Variants in MYO18A observed in about 807,000 individuals in gnomAD.
MYO18A encodes unconventional myosin-XVIIIa.
MYO18A carries 78 observed loss-of-function variants against 235.8 expected under a neutral mutation model. The ratio of observed to expected loss-of-function variants is 0.33; its 90% CI spans 0.28 to 0.40. MYO18A has a LOEUF of 0.40. Among genes scored for constraint, MYO18A ranks in the 10% least tolerant of loss-of-function variants. The pLI, the probability that MYO18A is intolerant of heterozygous loss-of-function variation, is 1.00. For synonymous variants in MYO18A, 977 were observed against 1,077.8 expected (o/e 0.91, Z 1.83); for missense variants, 2,215 against 2,699.3 (o/e 0.82, Z 3.98).
chr17:29,120,535 C>G lies in MYO18A; in HGVS notation c.1728+81G>C. On this transcript the variant is annotated intron_variant, in intron 7 of 41. Coordinates refer to ENST00000527372, the MANE Select transcript of MYO18A (RefSeq NM_078471.4). This position sits in a 1 kb window ranked among gnomAD's most constrained non-coding sequence, Gnocchi z 4.2. ...AGGGTAGAATCCCAGGAAAATGAGG[C>G]ATGGGAGAGAGCCTGATGTCTAGGT... The G allele has an allele frequency of 1.3e-6, 2 of 1,510,954 alleles. No homozygotes were observed. Among genetic ancestry groups the G allele is most frequent in the Admixed American group, 4.1e-5 (2 of 48,630 alleles). The allele number at this position is 1,510,954 out of a possible 1,614,324, so 93.6% of individuals were successfully genotyped here. A position where few individuals can be genotyped will look rare whatever the true frequency, so the allele number is the denominator to read the frequency against.
In MYO18A at chr17:29,162,533, A is replaced by C. The variant is rs1302492923; in HGVS notation, c.999+3409T>G. Among the ~76,000 whole-genome samples the C allele has an allele frequency of 2.6e-5, 4 of 152,142 alleles. No homozygotes were observed. In the East Asian group the frequency reaches 7.7e-4, roughly 29 times the overall value. On this transcript the variant is annotated intron_variant, in intron 2 of 41. Coordinates refer to ENST00000527372, the MANE Select transcript of MYO18A (RefSeq NM_078471.4). Reference sequence around the variant, plus strand: ...TGTCAGCTTTCGCTGACCCATCCACAAGACTGGACTTGAAGCCCCTCTGCT... The same window carrying C: ...TGTCAGCTTTCGCTGACCCATCCACCAGACTGGACTTGAAGCCCCTCTGCT...
chr17:29,080,736 G>A (rs2066100111), intron 41 of MYO18A: 2 of 985,592 alleles, frequency 2.0e-6, no homozygotes, highest in Non-Finnish European at 2.4e-6. Context: ...CCCGGCCAGC[G>A]CGCCCCCCGG....
In MYO18A at chr17:29,121,181, C is replaced by T; in HGVS notation, c.1402G>A (p.Glu468Lys). ...GCATAGATGTGGGGTGCCATGTCCT[C>T]CCGCCGACAACCCTTGAACATGTGC... Reference protein sequence around the residue: ...VMHMFKGCRREDMAPHIYAVA... With the variant: ...VMHMFKGCRRKDMAPHIYAVA... Residue 468 changes from glutamate to lysine, a missense_variant, in exon 6 of 42, where the codon GAG (glutamate) becomes AAG (lysine). Transcript: ENST00000527372. The surrounding 1 kb of genome is among the most constrained non-coding windows in gnomAD (Gnocchi z 4.2). 1 of 1,609,626 alleles carries T rather than the reference C, an allele frequency of 6.2e-7. No homozygotes were observed. The highest frequency in any genetic ancestry group is 8.5e-7 in the Non-Finnish European group (1 of 1,178,130).
intron 1 of MYO18A, among the ~76,000 whole-genome samples, chr17:29,177,469 G>A (rs1009355194): frequency 5.9e-5 from 9 of 152,074 alleles, no homozygotes; most frequent in African/African-American, 2.2e-4. Flanking sequence ...GTGGGAAGTG[G>A]AGGCTCACCA....
chr17:29,090,201 A>G (rs1190680565), intron 36 of MYO18A, 103 bp from the exon 37 acceptor site: 10 of 1,326,778 alleles, frequency 7.5e-6, no homozygotes, highest in Non-Finnish European at 1.0e-5. Context: ...AGGCAAGGGG[A>G]GGGAGGGATG....
intron 40 of MYO18A, among the ~76,000 whole-genome samples, chr17:29,084,573 A>G (rs1460443024): frequency 6.6e-6 from 1 of 152,210 alleles, no homozygotes; most frequent in Non-Finnish European, 1.5e-5. Context: ...ATGTGCTATT[A>G]GTTAACGGGG....
At chr17:29,110,210 A>G in intron 18 of MYO18A, 109 bp from the exon 19 acceptor site, 1 of 1,450,906 alleles carries the variant, frequency 6.9e-7, no homozygotes, top group Non-Finnish European at 9.2e-7. Flanking sequence ...CGGCCCCAGC[A>G]CCAGCCAGGA....
At chr17:29,148,430 G>A (rs2067893318) in intron 2 of MYO18A, among the ~76,000 whole-genome samples, 1 of 152,240 alleles carries the variant, frequency 6.6e-6, no homozygotes, top group Admixed American at 6.5e-5. Context: ...GGAGGGCCCA[G>A]CCACTAGGGT....
chr17:29,072,122 G>A lies in MYO18A; in HGVS notation c.*2648C>T, dbSNP rs1317360346. The A allele has an allele frequency of 2.0e-5, 3 of 149,686 alleles. No individual in the cohort carries two copies. The highest frequency in any genetic ancestry group is 4.4e-5 in the Non-Finnish European group (3 of 67,494). The allele number at this position is 149,686 out of a possible 1,614,324, so 9.3% of individuals were successfully genotyped here. A position where few individuals can be genotyped will look rare whatever the true frequency, so the allele number is the denominator to read the frequency against. On this transcript the variant is annotated 3_prime_UTR_variant, in exon 42 of 42. Transcript: ENST00000527372. ...AGGGAGTTTGTCACACTAGTCCCTA[G>A]TAGAAACAGAAAATGTACCACGCTA...
At chr17:29,167,687 T>G (rs1598398446) in intron 1 of MYO18A, among the ~76,000 whole-genome samples, 1 of 147,220 alleles carries the variant, frequency 6.8e-6, no homozygotes, top group East Asian at 2.0e-4. Context: ...GGCAACAGAG[T>G]GAGACCCTGT....
rs769295033 is a variant in MYO18A at position 29,113,993 on chromosome 17, C to A, written c.2598+18G>T. 2 of 1,573,640 alleles carry A rather than the reference C, an allele frequency of 1.3e-6. No individual in the cohort carries two copies. Among genetic ancestry groups the A allele is most frequent in the South Asian group, 1.2e-5 (1 of 85,710 alleles). On this transcript the variant is annotated intron_variant, in intron 15 of 41. Coordinates refer to ENST00000527372, the MANE Select transcript of MYO18A (RefSeq NM_078471.4). ...AACGAGAGGAAAGGCTTGCCCAAACCCTCTCTGGAGCTCCTACCAGGGACT... is the reference window on the plus strand; with the variant it reads ...AACGAGAGGAAAGGCTTGCCCAAACACTCTCTGGAGCTCCTACCAGGGACT...
Position 29,166,514 on chromosome 17 carries a change from G to C in MYO18A, c.427C>G (p.Gln143Glu). 2 of 1,613,680 alleles carry C rather than the reference G, an allele frequency of 1.2e-6. No individual in the cohort carries two copies. Among genetic ancestry groups the C allele is most frequent in the Non-Finnish European group, 1.7e-6 (2 of 1,179,860 alleles). Residue 143 changes from glutamine (Q) to glutamate (E), a missense_variant, in exon 2 of 42, where the codon CAG becomes GAG. Gln to Glu is a conservative substitution (Grantham distance 29). Transcript: ENST00000527372. ...GAGGCGCTCTCATCCCGGCTACGCT[G>C]GGAGAAGGAAAAGCGCTTGACAATC... The part of the protein sequence containing the change: ...QMIVKRFSFS[Q>E]RSRDESASET...
chr17:29,124,782 G>A, intron 2 of MYO18A: 3 of 1,055,472 alleles, frequency 2.8e-6, no homozygotes, highest in Non-Finnish European at 3.7e-6. Flanking sequence ...TGAGTCAAGT[G>A]GGCCGGCACT....
chr17:29,133,211 G>T (rs1220015800), intron 2 of MYO18A, among the ~76,000 whole-genome samples: 1 of 152,252 alleles, frequency 6.6e-6, no homozygotes, highest in Admixed American at 6.5e-5. Flanking sequence ...TCTGAGCTCA[G>T]CTCTGGATTT....
intron 2 of MYO18A, chr17:29,124,837 C>T (rs2067283576): frequency 1.9e-6 from 1 of 523,356 alleles, no homozygotes; most frequent in South Asian, 2.2e-5. Flanking sequence ...GAGCTTGGTG[C>T]CAGGACCTGG....
chr17:29,080,247 GCT>G, intron 41 of MYO18A: 12 of 985,960 alleles, frequency 1.2e-5, no homozygotes, highest in Non-Finnish European at 1.4e-5. Flanking sequence ...CAGGCTTGTA[GCT>G]CAAGACCTCG....
intron 2 of MYO18A, chr17:29,129,091 G>A (rs186110180): frequency 4.3e-5 from 56 of 1,289,288 alleles, no homozygotes; most frequent in East Asian, 1.1e-4. Flanking sequence ...CCTGTTTTCC[G>A]GGCAGTCAGA....
In MYO18A at chr17:29,130,711, C is replaced by G. The variant is rs12944335; in HGVS notation, c.1000-8458G>C. Among the ~76,000 whole-genome samples, 254 of 152,258 alleles carry G rather than the reference C, an allele frequency of 1.7e-3. 3 individuals carry two copies. The highest frequency in any genetic ancestry group is 2.7e-3 in the Non-Finnish European group (185 of 68,014). ...CCCAGAGCCCTGGGCACTCCTGCCC[C>G]CTGTGCTACCAGCTGCCCTCTCCTA... On this transcript the variant is annotated intron_variant, in intron 2 of 41. Coordinates refer to ENST00000527372, the MANE Select transcript of MYO18A (RefSeq NM_078471.4).
At chr17:29,080,049 C>T in intron 41 of MYO18A, 1 of 985,386 alleles carries the variant, frequency 1.0e-6, no homozygotes, top group South Asian at 4.7e-5. Flanking sequence ...TGGAGCTGCT[C>T]CTTCCGCTCC....
Sources: allele counts gnomAD v4.1 joint callset (sites outside exome capture counted in the v4.1 genomes callset), GRCh38; gene constraint gnomAD v4.1.1; non-coding constraint Gnocchi (gnomAD v3.1); transcripts MANE v1.5; gene names NCBI Gene and HGNC (gene_info 2026-07-23, HGNC 2026-07-21).